The following DYTN variants were observed in gnomAD, a reference collection of about 807,000 sequenced individuals.
The protein encoded by DYTN is dystrotelin.
In DYTN, 75 loss-of-function variants were observed where a neutral mutation model predicts 69.6. That is an observed-to-expected ratio of 1.08 (90% CI 0.89 to 1.31). The LOEUF is 1.31. DYTN is among the 50% of genes most tolerant of loss of function. The pLI, the probability that DYTN is intolerant of heterozygous loss-of-function variation, is 0.00. For missense variants in DYTN, 726 were observed against 688.4 expected, an observed-to-expected ratio of 1.05 and a Z score of -0.61; for synonymous variants, 252 against 249.1, an observed-to-expected ratio of 1.01 and a Z score of -0.11.
intron 11 of DYTN, among the ~76,000 whole-genome samples, chr2:206,659,330 C>T (rs1699482045): frequency 6.6e-6 from 1 of 151,244 alleles, no homozygotes; most frequent in Admixed American, 6.6e-5. Flanking sequence ...AGCCACCACG[C>T]CCGGCTAATT....
chr2:206,707,364 T>C lies in DYTN; in HGVS notation c.234A>G (p.Pro78=), dbSNP rs2105901494. 3 of 1,612,886 alleles carry C rather than the reference T, an allele frequency of 1.9e-6. No individual in the cohort carries two copies. Among genetic ancestry groups the C allele is most frequent in the South Asian group, 2.2e-5 (2 of 90,598 alleles). ...ELFQKAREEN[P]GQVHPRAPEL... ...CCGGAGCTCTGGGATGCACTTGTCC[T>C]GGGTTTTCCTCCCTGGCCTTCTGAA... Residue 78 remains proline, a synonymous_variant, in exon 3 of 12, where the codon CCA becomes CCG. Coordinates refer to ENST00000452335, the MANE Select transcript of DYTN (RefSeq NM_001093730.1).
At chr2:206,653,561 A>G (rs1166498339) in intron 11 of DYTN, among the ~76,000 whole-genome samples, 1 of 152,234 alleles carries the variant, frequency 6.6e-6, no homozygotes, top group East Asian at 1.9e-4. Flanking sequence ...AGTAGACTAC[A>G]AGAATGATAG....
intron 9 of DYTN, among the ~76,000 whole-genome samples, chr2:206,675,145 G>GTGTGTGTGTGTGTGTGTGTGTA (rs1415225495): frequency 4.2e-5 from 5 of 120,442 alleles, no homozygotes; most frequent in Admixed American, 8.6e-5. Context: ...GTGTGTGTGT[G>GTGTGTGTGTGTGTGTGTGTGTA]TATATATGTG....
chr2:206,706,525 A>G (rs1024954743), intron 3 of DYTN, among the ~76,000 whole-genome samples: 1 of 151,870 alleles, frequency 6.6e-6, no homozygotes, highest in Non-Finnish European at 1.5e-5. Context: ...AGAGAAAATA[A>G]CTGTAAGGAA....
intron 1 of DYTN, among the ~76,000 whole-genome samples, chr2:206,714,404 G>C (rs1700108580): frequency 6.6e-6 from 1 of 151,998 alleles, no homozygotes; most frequent in Non-Finnish European, 1.5e-5. Flanking sequence ...GGGTTTCACC[G>C]TGTTAGCCAG....
intron 11 of DYTN, among the ~76,000 whole-genome samples, chr2:206,661,889 T>C (rs1192378615): frequency 2.6e-5 from 4 of 152,212 alleles, no homozygotes; most frequent in East Asian, 3.9e-4. Context: ...TCCTGACTTA[T>C]GATGGATTGA....
Position 206,704,947 on chromosome 2 carries a change from G to A in DYTN, c.383-4C>T. ...TCTGCATAGAGTTGAAAAAGAGCTA[G>A]ACATGTAGGAGGAACAATCTTTAAA... On this transcript the variant is annotated splice_region_variant and splice_polypyrimidine_tract_variant and intron_variant, in intron 4 of 11. Coordinates refer to ENST00000452335, the MANE Select transcript of DYTN (RefSeq NM_001093730.1). 2 of 1,611,342 alleles carry A rather than the reference G, an allele frequency of 1.2e-6. No homozygotes were observed. The highest frequency in any genetic ancestry group is 1.7e-6 in the Non-Finnish European group (2 of 1,177,998).
At chr2:206,675,106 T>C (rs1699669338) in intron 9 of DYTN, among the ~76,000 whole-genome samples, 1 of 136,386 alleles carries the variant, frequency 7.3e-6, no homozygotes, top group South Asian at 2.4e-4. Context: ...GGAAAAAACA[T>C]ATATATATAT....
At chr2:206,684,011 T>C (rs1038848405) in intron 9 of DYTN, among the ~76,000 whole-genome samples, 2 of 152,182 alleles carry the variant, frequency 1.3e-5, no homozygotes, top group African/African-American at 2.4e-5. Context: ...AATTCCTTTA[T>C]ATACCATTTC....
At chr2:206,665,174 G>A (rs1480124623) in intron 10 of DYTN, among the ~76,000 whole-genome samples, 1 of 152,184 alleles carries the variant, frequency 6.6e-6, no homozygotes, top group Admixed American at 6.5e-5. Flanking sequence ...GATTGCTGAA[G>A]TGGTTACAAA....
At chr2:206,676,697 G>A (rs190026004) in intron 9 of DYTN, among the ~76,000 whole-genome samples, 2 of 152,296 alleles carry the variant, frequency 1.3e-5, no homozygotes, top group African/African-American at 2.4e-5. Flanking sequence ...TTCTGGAGGT[G>A]TACTAAACAG....
chr2:206,679,607 A>C (rs1460306516), intron 9 of DYTN, among the ~76,000 whole-genome samples: 2 of 152,214 alleles, frequency 1.3e-5, no homozygotes, highest in African/African-American at 4.8e-5. Flanking sequence ...TTATTTAAAA[A>C]CTATTTTTAA....
intron 7 of DYTN, among the ~76,000 whole-genome samples, chr2:206,697,536 A>G (rs1699932510): frequency 1.3e-5 from 2 of 152,220 alleles, no homozygotes; most frequent in Admixed American, 1.3e-4. Flanking sequence ...CCCAAAACAT[A>G]AGTTTAAAGT....
chr2:206,692,282 A>AG (rs1699871891), intron 9 of DYTN, among the ~76,000 whole-genome samples: 1 of 151,336 alleles, frequency 6.6e-6, no homozygotes, highest in South Asian at 2.1e-4. Context: ...AAAAAAAAAA[A>AG]GTGTTTCTCT....
At chr2:206,682,620 C>T (rs1699761137) in intron 9 of DYTN, among the ~76,000 whole-genome samples, 1 of 152,158 alleles carries the variant, frequency 6.6e-6, no homozygotes, top group African/African-American at 2.4e-5. Flanking sequence ...CATATAACCT[C>T]ATGGCTTTAA....
At chr2:206,703,776 T>G (rs577321493) in intron 5 of DYTN, among the ~76,000 whole-genome samples, 1 of 152,232 alleles carries the variant, frequency 6.6e-6, no homozygotes, top group African/African-American at 2.4e-5. Flanking sequence ...AAGAGAAAAG[T>G]GACAGAAAGT....
At chr2:206,701,460 GA>G (rs1199102675) in intron 5 of DYTN, among the ~76,000 whole-genome samples, 1 of 152,150 alleles carries the variant, frequency 6.6e-6, no homozygotes, top group South Asian at 2.1e-4. Context: ...TCAGCCTTAG[GA>G]AAGAAGGGAA....
In DYTN at chr2:206,654,380, C is replaced by A. The variant is rs566014972; in HGVS notation, c.1634-2459G>T. Among the ~76,000 whole-genome samples, 7 of 152,302 alleles carry A rather than the reference C, an allele frequency of 4.6e-5. No homozygotes were observed. In the South Asian group the frequency reaches 1.0e-3, roughly 23 times the overall value. On this transcript the variant is annotated intron_variant, in intron 11 of 11. Transcript: ENST00000452335. ...TGAGGATGAAGATCTTTATGATGAT[C>A]TACTTCCAGTTAATGAATAGTAAAT...
At chr2:206,656,683 C>A (rs962832185) in intron 11 of DYTN, among the ~76,000 whole-genome samples, 2 of 150,070 alleles carry the variant, frequency 1.3e-5, no homozygotes, top group African/African-American at 2.4e-5. Context: ...TAATAACAGC[C>A]TATTTTGGCT....
Sources: gnomAD v4.1 joint callset for allele counts (sites outside exome capture counted in the v4.1 genomes callset) on GRCh38, gnomAD v4.1.1 for gene constraint, MANE v1.5 for transcripts, NCBI Gene and HGNC (gene_info 2026-07-23, HGNC 2026-07-21) for gene names.